Variants in REDIC1 observed in about 807,000 individuals in gnomAD.
The protein encoded by REDIC1 is HEI10 Interacting Protein 1.
At chr12:39,713,163 G>A in the REDIC1 span, among the ~76,000 whole-genome samples, 1 of 149,232 alleles carries the variant, frequency 6.7e-6, no homozygotes, top group African/African-American at 2.5e-5. Context: ...ATATACACAC[G>A]TGTATATATG....
chr12:39,878,373 G>A, the REDIC1 span, among the ~76,000 whole-genome samples: 3 of 152,220 alleles, frequency 2.0e-5, no homozygotes, highest in African/African-American at 4.8e-5. Context: ...CGACTAAATG[G>A]TTGTGACCAA....
the REDIC1 span, among the ~76,000 whole-genome samples, chr12:39,806,817 G>A: frequency 6.6e-6 from 1 of 152,190 alleles, no homozygotes; most frequent in African/African-American, 2.4e-5. Flanking sequence ...GTTAAAATTG[G>A]AAACAACCCA....
the REDIC1 span, among the ~76,000 whole-genome samples, chr12:39,792,374 T>C: frequency 6.6e-6 from 1 of 151,612 alleles, no homozygotes; most frequent in Non-Finnish European, 1.5e-5. Flanking sequence ...AATTGACAAA[T>C]GGGATCTAAT....
the REDIC1 span, among the ~76,000 whole-genome samples, chr12:39,703,956 C>G: frequency 6.6e-6 from 1 of 152,074 alleles, no homozygotes; most frequent in Non-Finnish European, 1.5e-5. Context: ...AACGTTAGAC[C>G]TAAAACCATA....
chr12:39,650,432 C>T, the REDIC1 span: 1 of 1,494,848 alleles, frequency 6.7e-7, no homozygotes, highest in Admixed American at 2.7e-5. This position sits in a 1 kb window ranked among gnomAD's most constrained non-coding sequence, Gnocchi z 4.3. Context: ...TTAATGGACA[C>T]AAATATTTTT....
At chr12:39,680,014 A>G in the REDIC1 span, among the ~76,000 whole-genome samples, 1 of 152,096 alleles carries the variant, frequency 6.6e-6, no homozygotes, top group African/African-American at 2.4e-5. Flanking sequence ...ACTTTAAGAC[A>G]TGAAGCCATA....
the REDIC1 span, among the ~76,000 whole-genome samples, chr12:39,711,150 C>T: frequency 6.6e-6 from 1 of 151,270 alleles, no homozygotes; most frequent in Non-Finnish European, 1.5e-5. Flanking sequence ...GGTTTGGTTT[C>T]CCATTCCTGA....
chr12:39,862,244 C>T, the REDIC1 span, among the ~76,000 whole-genome samples: 1 of 152,182 alleles, frequency 6.6e-6, no homozygotes, highest in African/African-American at 2.4e-5. Flanking sequence ...TCTTGAATCT[C>T]AAGTCATTAG....
the REDIC1 span, among the ~76,000 whole-genome samples, chr12:39,848,119 TAA>T: frequency 6.6e-6 from 1 of 151,900 alleles, no homozygotes; most frequent in Non-Finnish European, 1.5e-5. Context: ...TAAGAACAGG[TAA>T]AGATTTCATG....
At chr12:39,637,217 A>G in the REDIC1 span, among the ~76,000 whole-genome samples, 1 of 152,054 alleles carries the variant, frequency 6.6e-6, no homozygotes, top group Non-Finnish European at 1.5e-5. Context: ...CTTGTGGAGG[A>G]TTCTATGAAG....
At chr12:39,861,714 C>G in the REDIC1 span, among the ~76,000 whole-genome samples, 1 of 152,130 alleles carries the variant, frequency 6.6e-6, no homozygotes, top group Non-Finnish European at 1.5e-5. Flanking sequence ...ATATATGATT[C>G]AGATGATACT....
At chr12:39,691,696 G>A in the REDIC1 span, among the ~76,000 whole-genome samples, 1 of 152,092 alleles carries the variant, frequency 6.6e-6, no homozygotes, top group African/African-American at 2.4e-5. Context: ...ATAAACGACT[G>A]ATGATCTAAC....
chr12:39,747,895 C>A, the REDIC1 span, among the ~76,000 whole-genome samples: 7 of 152,120 alleles, frequency 4.6e-5, no homozygotes, highest in African/African-American at 1.7e-4. Flanking sequence ...TTTGTCACCA[C>A]CAGGCCTGCC....
At chr12:39,846,051 C>G in the REDIC1 span, among the ~76,000 whole-genome samples, 1 of 152,108 alleles carries the variant, frequency 6.6e-6, no homozygotes, top group Non-Finnish European at 1.5e-5. Flanking sequence ...TGATTTTTCT[C>G]ATGTTCATCT....
chr12:39,829,869 C>T, the REDIC1 span: 2 of 529,548 alleles, frequency 3.8e-6, no homozygotes, highest in African/African-American at 3.8e-5. Context: ...AACTCCTATA[C>T]CTTATTAGAG....
At chr12:39,740,341 A>AT in the REDIC1 span, among the ~76,000 whole-genome samples, 2 of 152,010 alleles carry the variant, frequency 1.3e-5, no homozygotes, top group Non-Finnish European at 2.9e-5. Flanking sequence ...TTTTTTCAGA[A>AT]TTTTTTTTAG....
At chr12:39,696,179 T>C in the REDIC1 span, among the ~76,000 whole-genome samples, 1 of 152,016 alleles carries the variant, frequency 6.6e-6, no homozygotes, top group South Asian at 2.1e-4. Flanking sequence ...AACTCTTCAG[T>C]GCCCAGGTAC....
At chr12:39,757,416 A>AACTT in the REDIC1 span, 5 of 151,908 alleles carry the variant, frequency 3.3e-5, no homozygotes, top group East Asian at 9.4e-4. Flanking sequence ...ATATGCTGGG[A>AACTT]ACTTAAAAGG....
At chr12:39,650,388 G>C in the REDIC1 span, 12 of 1,578,224 alleles carry the variant, frequency 7.6e-6, no homozygotes, top group Non-Finnish European at 9.4e-6. The surrounding 1 kb of genome is among the most constrained non-coding windows in gnomAD (Gnocchi z 4.3). Flanking sequence ...TAAAGAAGCT[G>C]TAGCATTCTG....
Sources: gnomAD v4.1 joint callset for allele counts (sites outside exome capture counted in the v4.1 genomes callset) on GRCh38, gnomAD v4.1.1 for gene constraint, Gnocchi (gnomAD v3.1) non-coding constraint, MANE v1.5 for transcripts, NCBI Gene and HGNC (gene_info 2026-07-23, HGNC 2026-07-21) for gene names.